The following GORASP2 variants were observed in gnomAD, a reference collection of about 807,000 sequenced individuals.
GORASP2 encodes golgi reassembly stacking protein 2.
In GORASP2, 22 loss-of-function variants were observed where a neutral mutation model predicts 45.7. The ratio of observed to expected loss-of-function variants is 0.48; its 90% CI spans 0.34 to 0.69. The LOEUF (loss-of-function observed/expected upper bound fraction) is 0.69, where lower values mean the gene tolerates loss of function less well. Among genes scored for constraint, GORASP2 ranks in the 30% least tolerant of loss-of-function variants. GORASP2 has a pLI of 0.01. For synonymous variants in GORASP2, 221 were observed against 215.6 expected (o/e 1.02, Z -0.22); for missense variants, 491 against 562.7 (o/e 0.87, Z 1.29).
intron 1 of GORASP2, 21 bp downstream of exon 1, chr2:170,929,424 CG>C (rs1454034492): frequency 7.4e-7 from 1 of 1,356,032 alleles, no homozygotes. Context: ...CGACGGCGGC[CG>C]GGGAGCTGCG....
intron 7 of GORASP2, among the ~76,000 whole-genome samples, chr2:170,961,055 G>A (rs935133636): frequency 3.3e-5 from 5 of 152,202 alleles, no homozygotes; most frequent in South Asian, 4.1e-4. Context: ...CGTGAGGAAC[G>A]TAACCTCCTC....
At chr2:170,948,549 T>C in intron 2 of GORASP2, 119 bp downstream of exon 2, 3 of 601,898 alleles carry the variant, frequency 5.0e-6, no homozygotes, top group Non-Finnish European at 8.8e-6. Context: ...GTATGCCAAT[T>C]TATAGAAATA....
chr2:170,960,748 C>T (rs1025374904), intron 7 of GORASP2, among the ~76,000 whole-genome samples: 3 of 152,148 alleles, frequency 2.0e-5, no homozygotes, highest in African/African-American at 7.2e-5. Flanking sequence ...GAGCATTTGC[C>T]AGTGCTTCAG....
At chr2:170,941,243 G>A (rs888804532) in intron 1 of GORASP2, among the ~76,000 whole-genome samples, 1 of 151,932 alleles carries the variant, frequency 6.6e-6, no homozygotes, top group Admixed American at 6.6e-5. Context: ...TCCATGTTTT[G>A]GTAATATATC....
Position 170,966,031 on chromosome 2 carries a change from G to T in GORASP2, c.1260G>T (p.Lys420Asn), listed in dbSNP as rs746413380. 4.3e-6 allele frequency: 7 copies of T among 1,613,850 alleles called. No individual in the cohort carries two copies. In the South Asian group the frequency reaches 7.7e-5, roughly 18 times the overall value. ...TGGATGTGACGCCCCCCACTGCCAA[G>T]GCCCCCACCACCGTTGAGGACAGAG... ...LTVDVTPPTAKAPTTVEDRVG... is the reference protein window; with the variant it reads ...LTVDVTPPTANAPTTVEDRVG... The change falls in exon 10 of 10, where the codon AAG becomes AAT. Residue 420 changes from lysine to asparagine, a missense_variant. Transcript: ENST00000234160.
intron 1 of GORASP2, among the ~76,000 whole-genome samples, chr2:170,938,163 A>C (rs905817962): frequency 1.3e-5 from 2 of 152,244 alleles, no homozygotes; most frequent in African/African-American, 4.8e-5. Flanking sequence ...GAGATATTCC[A>C]TGTAAAGCAC....
At chr2:170,946,768 C>A (rs959550081) in intron 1 of GORASP2, among the ~76,000 whole-genome samples, 1,131 of 104,628 alleles carry the variant, frequency 0.011, no homozygotes, top group African/African-American at 0.016. Flanking sequence ...CATGCCTCTA[C>A]AAAAAAAAAA....
At chr2:170,953,100 A>G (rs1012931104) in intron 5 of GORASP2, among the ~76,000 whole-genome samples, 4 of 152,194 alleles carry the variant, frequency 2.6e-5, no homozygotes, top group African/African-American at 9.6e-5. Context: ...TCACGCCTGT[A>G]GTACTACCGC....
intron 1 of GORASP2, 125 bp downstream of exon 1, chr2:170,929,528 G>A: frequency 1.2e-6 from 1 of 811,788 alleles, no homozygotes; most frequent in Non-Finnish European, 1.8e-6. Flanking sequence ...AGCGGCGGTC[G>A]CGGGCGCTGC....
At chr2:170,961,238 T>C (rs1575480131) in intron 7 of GORASP2, among the ~76,000 whole-genome samples, 1 of 152,242 alleles carries the variant, frequency 6.6e-6, no homozygotes, top group Non-Finnish European at 1.5e-5. Flanking sequence ...CAGACTAGCA[T>C]TCACTGTTTC....
rs1703756255 is a variant in GORASP2 at position 170,929,337 on chromosome 2, C to T, written c.-4C>T. 2.9e-6 allele frequency: 4 copies of T among 1,367,722 alleles called. No homozygotes were observed. The highest frequency in any genetic ancestry group is 3.8e-6 in the Non-Finnish European group (4 of 1,060,620). The allele number at this position is 1,367,722 out of a possible 1,614,324, so 84.7% of individuals were successfully genotyped here. A position where few individuals can be genotyped will look rare whatever the true frequency, so the allele number is the denominator to read the frequency against. On this transcript the variant is annotated 5_prime_UTR_variant, in exon 1 of 10. Transcript: ENST00000234160. Reference sequence around the variant, plus strand: ...CGGCTCGGCCACACCGATCGCCCGCCGCCATGGGCTCCTCGCAAAGCGTCG... The same window carrying T: ...CGGCTCGGCCACACCGATCGCCCGCTGCCATGGGCTCCTCGCAAAGCGTCG...
At chr2:170,929,501 G>T (rs1025191300) in intron 1 of GORASP2, 98 bp downstream of exon 1, 3 of 1,000,548 alleles carry the variant, frequency 3.0e-6, no homozygotes, top group Non-Finnish European at 4.1e-6. Context: ...GGGCAGCCAG[G>T]CCCGATCCCG....
intron 1 of GORASP2, among the ~76,000 whole-genome samples, chr2:170,945,552 C>A (rs1383753934): frequency 6.6e-6 from 1 of 151,364 alleles, no homozygotes; most frequent in Non-Finnish European, 1.5e-5. Context: ...TTAATAGATC[C>A]CTTTGATATT....
chr2:170,960,284 G>A (rs573720745), intron 7 of GORASP2, among the ~76,000 whole-genome samples: 11 of 152,264 alleles, frequency 7.2e-5, no homozygotes, highest in African/African-American at 2.6e-4. Flanking sequence ...CAAAAAACTT[G>A]AATGAATGAC....
intron 3 of GORASP2, 196 bp downstream of exon 3, chr2:170,949,938 T>A: frequency 1.8e-6 from 1 of 570,280 alleles, no homozygotes. Flanking sequence ...AATGTACAAG[T>A]TTAAGAACTT....
chr2:170,938,338 CT>C lies in GORASP2; in HGVS notation c.63+8940del, dbSNP rs1704001714. Among the ~76,000 whole-genome samples the C allele has an allele frequency of 2.6e-5, 4 of 152,280 alleles. 1 individual carries two copies. The highest frequency in any genetic ancestry group is 2.0e-4 in the Admixed American group (3 of 15,302). On this transcript the variant is annotated intron_variant, in intron 1 of 9. Transcript: ENST00000234160. ...TTTTTATTTGATTAAGCAACAGTTACTTTTTGTCTGTGTACCTAACCTGTAC... is the reference window on the plus strand; with the variant it reads ...TTTTTATTTGATTAAGCAACAGTTACTTTTGTCTGTGTACCTAACCTGTAC...
chr2:170,939,423 CTT>C (rs1704024329), intron 1 of GORASP2, among the ~76,000 whole-genome samples: 1 of 151,004 alleles, frequency 6.6e-6, no homozygotes, highest in East Asian at 2.1e-4. Flanking sequence ...AATAAGGAAA[CTT>C]ACCCATTTGC....
At chr2:170,929,790 G>C (rs772805337) in intron 1 of GORASP2, 1 of 482,768 alleles carries the variant, frequency 2.1e-6, no homozygotes, top group South Asian at 1.5e-5. Context: ...AGTGGTGACT[G>C]TGAAGGCAGC....
intron 5 of GORASP2, 91 bp from the exon 6 acceptor site, chr2:170,954,559 C>T (rs1180577088): frequency 3.9e-6 from 4 of 1,013,144 alleles, no homozygotes; most frequent in Non-Finnish European, 5.9e-6. Context: ...TGAATCTATG[C>T]TCTTGGGTTA....
Sources: gnomAD v4.1 joint callset for allele counts (sites outside exome capture counted in the v4.1 genomes callset) on GRCh38, gnomAD v4.1.1 for gene constraint, MANE v1.5 for transcripts, NCBI Gene and HGNC (gene_info 2026-07-23, HGNC 2026-07-21) for gene names.